The following TANGO6 variants were observed in gnomAD, a reference collection of about 807,000 sequenced individuals.
TANGO6 encodes the protein transport and Golgi organization protein 6 homolog.
A neutral mutation model predicts 114.2 loss-of-function variants in TANGO6; 90 were observed. The ratio of observed to expected loss-of-function variants is 0.79; its 90% CI spans 0.66 to 0.94. The LOEUF (loss-of-function observed/expected upper bound fraction) is 0.94, where lower values mean the gene tolerates loss of function less well. Among genes scored for constraint, TANGO6 ranks in the 40% least tolerant of loss-of-function variants. The pLI, the probability that TANGO6 is intolerant of heterozygous loss-of-function variation, is 0.00. For missense variants in TANGO6, 1,274 were observed against 1,315.3 expected, an observed-to-expected ratio of 0.97 and a Z score of 0.49; for synonymous variants, 477 against 509.8, an observed-to-expected ratio of 0.94 and a Z score of 0.87.
At chr16:68,901,650 G>A (rs571739056) in intron 8 of TANGO6, among the ~76,000 whole-genome samples, 4 of 152,140 alleles carry the variant, frequency 2.6e-5, no homozygotes, top group Admixed American at 1.3e-4. Flanking sequence ...CACCATGCCC[G>A]GCTAATTTTT....
At chr16:69,023,340 C>T (rs1381799423) in intron 16 of TANGO6, among the ~76,000 whole-genome samples, 2 of 151,926 alleles carry the variant, frequency 1.3e-5, no homozygotes, top group Non-Finnish European at 1.5e-5. Context: ...CCTATAATCC[C>T]GGCTACTCAG....
At chr16:68,954,209 C>T (rs1293189995) in intron 14 of TANGO6, among the ~76,000 whole-genome samples, 1 of 144,534 alleles carries the variant, frequency 6.9e-6, no homozygotes, top group African/African-American at 2.6e-5. Context: ...GAGATCGTGC[C>T]ACTACACTCC....
intron 14 of TANGO6, among the ~76,000 whole-genome samples, chr16:68,938,843 A>G (rs1375446630): frequency 6.6e-6 from 1 of 152,062 alleles, no homozygotes; most frequent in Non-Finnish European, 1.5e-5. Context: ...AGCATTAGCA[A>G]TCATCTCGAA....
intron 17 of TANGO6, among the ~76,000 whole-genome samples, chr16:69,053,375 G>A (rs1959985178): frequency 6.6e-6 from 1 of 151,840 alleles, no homozygotes. Flanking sequence ...TTCCTTTCTT[G>A]TTTGAATTTT....
At chr16:69,079,333 C>CAAAT (rs61531560) in intron 17 of TANGO6, among the ~76,000 whole-genome samples, 11,617 of 150,678 alleles carry the variant, frequency 0.077, 490 homozygotes, top group Non-Finnish European at 0.092. Context: ...GTCTCAAAAA[C>CAAAT]AAATAAATAA....
At chr16:69,072,026 CGTGTGTGTGTGTGTGTGTGT>C (rs58310609) in intron 17 of TANGO6, among the ~76,000 whole-genome samples, 2 of 92,986 alleles carry the variant, frequency 2.2e-5, no homozygotes, top group African/African-American at 4.9e-5. Flanking sequence ...AGAGGGAGAC[CGTGTGTGTGTGTGTGTGTGT>C]GTGTGTGTGT....
chr16:68,909,417 C>T lies in TANGO6; in HGVS notation c.1992+15C>T. Reference sequence around the variant, plus strand: ...ACGTCACTCAGGTCAGTAGTTGCCACATTCTGGACCGCAGCCTTTTTTTCT... The same window carrying T: ...ACGTCACTCAGGTCAGTAGTTGCCATATTCTGGACCGCAGCCTTTTTTTCT... On this transcript the variant is annotated intron_variant, in intron 11 of 17. Transcript: ENST00000261778. The T allele has an allele frequency of 6.8e-7, 1 of 1,474,792 alleles. No homozygotes were observed. Among genetic ancestry groups the T allele is most frequent in the Non-Finnish European group, 9.0e-7 (1 of 1,108,192 alleles). The allele number at this position is 1,474,792 out of a possible 1,614,324, so 91.4% of individuals were successfully genotyped here.
chr16:69,067,518 C>CAAAA (rs1199698790), intron 17 of TANGO6, among the ~76,000 whole-genome samples: 1 of 43,700 alleles, frequency 2.3e-5, no homozygotes, highest in Non-Finnish European at 4.1e-5. Context: ...AACTCCATCT[C>CAAAA]AAAAAAAAAA....
intron 14 of TANGO6, among the ~76,000 whole-genome samples, chr16:68,951,572 T>G (rs1963471740): frequency 6.6e-6 from 1 of 151,898 alleles, no homozygotes; most frequent in Admixed American, 6.6e-5. Flanking sequence ...CTTTTTCCAT[T>G]GCATTTTCTC....
At chr16:68,860,729 A>G (rs1313042981) in intron 2 of TANGO6, among the ~76,000 whole-genome samples, 2 of 152,082 alleles carry the variant, frequency 1.3e-5, no homozygotes, top group East Asian at 3.9e-4. Context: ...TGTAGAGTCC[A>G]TTTCACCTGT....
At chr16:68,886,943 G>A (rs2152174185) in intron 7 of TANGO6, among the ~76,000 whole-genome samples, 1 of 152,148 alleles carries the variant, frequency 6.6e-6, no homozygotes, top group East Asian at 1.9e-4. Flanking sequence ...AAGAAGCTGG[G>A]ATTACAGGCG....
At position 68,907,548 on chromosome 16, in the gene TANGO6, A is replaced by C. The variant is rs776360914; in HGVS notation, c.1773A>C (p.Ala591=). The C allele has an allele frequency of 6.2e-7, 1 of 1,613,658 alleles. No homozygotes were observed. Among genetic ancestry groups the C allele is most frequent in the Non-Finnish European group, 8.5e-7 (1 of 1,179,762 alleles). The change falls in exon 10 of 18, where the codon GCA becomes GCC. Residue 591 remains alanine, a synonymous_variant. Coordinates refer to ENST00000261778, the MANE Select transcript of TANGO6 (RefSeq NM_024562.2). The part of the protein sequence containing the change: ...LLSHCQECGL[A]GDFFIFCLKE... ...CCCACTGCCAGGAATGCGGTTTGGC[A>C]GGAGACTTCTTCATCTTCTGTTTGA...
Position 68,860,454 on chromosome 16 carries a change from A to G in TANGO6, c.665A>G (p.Asp222Gly), listed in dbSNP as rs201468520. 7.9e-5 allele frequency: 127 copies of G among 1,614,018 alleles called. No individual in the cohort carries two copies. In the East Asian group the frequency reaches 2.2e-3, roughly 28 times the overall value. Residue 222 changes from aspartate to glycine, a missense_variant, in exon 2 of 18, where the codon GAT becomes GGT. This residue lies in a region of TANGO6 where 908 missense variants were observed against 910.2 expected (regional missense o/e 1.00). Transcript: ENST00000261778. ...TTGATCTTCTGCCACCACTTTGGGG[A>G]TATCGCAGCAGGTCTGTGCCAACTG... is the stretch of plus-strand genomic sequence containing the variant. ...GSLIFCHHFGDIAAGLCQLGF... is the reference protein window; with the variant it reads ...GSLIFCHHFGGIAAGLCQLGF...
chr16:68,877,962 T>C (rs572963324), intron 5 of TANGO6, 156 bp from the exon 6 acceptor site: 2 of 651,320 alleles, frequency 3.1e-6, no homozygotes, highest in East Asian at 6.3e-5. Flanking sequence ...CTCTTACCCT[T>C]TGATACTGGG....
At chr16:69,037,087 G>A (rs1260867647) in intron 16 of TANGO6, among the ~76,000 whole-genome samples, 3 of 144,020 alleles carry the variant, frequency 2.1e-5, no homozygotes. Flanking sequence ...TGTGAGCTGA[G>A]ATCGTGCTAC....
intron 7 of TANGO6, chr16:68,885,715 A>G (rs920208295): frequency 6.6e-6 from 1 of 152,264 alleles, no homozygotes; most frequent in Non-Finnish European, 1.5e-5. Context: ...ATGAAGCAGT[A>G]CTTCAGTCCT....
intron 15 of TANGO6, among the ~76,000 whole-genome samples, chr16:69,000,621 T>C (rs922279668): frequency 6.6e-6 from 1 of 152,028 alleles, no homozygotes; most frequent in Non-Finnish European, 1.5e-5. Flanking sequence ...AGACAGGCTG[T>C]CACTCTCTCA....
At chr16:68,890,778 T>C (rs113557626) in intron 7 of TANGO6, among the ~76,000 whole-genome samples, 15,640 of 151,986 alleles carry the variant, frequency 0.1, 926 homozygotes, top group African/African-American at 0.17. Flanking sequence ...CCCAGCACTT[T>C]GGGAGGCCAA....
At chr16:68,891,668 C>T (rs368944727) in intron 7 of TANGO6, among the ~76,000 whole-genome samples, 70 of 152,126 alleles carry the variant, frequency 4.6e-4, no homozygotes, top group Middle Eastern at 6.8e-3. Context: ...AGATGCTGTA[C>T]AAGCCAATGT....
Sources: allele counts gnomAD v4.1 joint callset (sites outside exome capture counted in the v4.1 genomes callset), GRCh38; gene constraint gnomAD v4.1.1; regional missense constraint gnomAD v4.1.1; transcripts MANE v1.5; gene names NCBI Gene and HGNC (gene_info 2026-07-23, HGNC 2026-07-21).